Variants in LUZP2 observed in about 807,000 individuals in gnomAD.
The protein encoded by LUZP2 is leucine zipper protein 2.
In LUZP2, 52 loss-of-function variants were observed where a neutral mutation model predicts 51.6. That is an observed-to-expected ratio of 1.01 (90% CI 0.81 to 1.27). The LOEUF is 1.27. LUZP2 is among the 50% of genes most tolerant of loss of function. LUZP2 has a pLI of 0.00. For missense variants in LUZP2, 436 were observed against 395.4 expected, an observed-to-expected ratio of 1.10 and a Z score of -0.87; for synonymous variants, 154 against 137.3, an observed-to-expected ratio of 1.12 and a Z score of -0.85.
At chr11:24,877,853 C>T (rs796176306) in intron 5 of LUZP2, among the ~76,000 whole-genome samples, 14 of 152,124 alleles carry the variant, frequency 9.2e-5, no homozygotes, top group South Asian at 2.1e-4. Flanking sequence ...GATGAGAACA[C>T]GTGATATTTG....
At chr11:25,002,471 A>T (rs1456942857) in intron 9 of LUZP2, among the ~76,000 whole-genome samples, 1 of 152,154 alleles carries the variant, frequency 6.6e-6, no homozygotes. Context: ...AAGGAATAGC[A>T]CCTGGTATCT....
At chr11:24,845,021 G>T (rs1851155877) in intron 5 of LUZP2, among the ~76,000 whole-genome samples, 1 of 152,090 alleles carries the variant, frequency 6.6e-6, no homozygotes, top group African/African-American at 2.4e-5. Flanking sequence ...CCCTATTGCA[G>T]CACCACCTAG....
chr11:24,958,509 A>G (rs1368268529), intron 7 of LUZP2, among the ~76,000 whole-genome samples: 10 of 151,966 alleles, frequency 6.6e-5, no homozygotes, highest in African/African-American at 9.7e-5. Flanking sequence ...GCCAGTGATG[A>G]TGAGCATTTT....
chr11:24,863,826 C>T (rs983643312), intron 5 of LUZP2, among the ~76,000 whole-genome samples: 5 of 152,046 alleles, frequency 3.3e-5, no homozygotes, highest in Non-Finnish European at 7.4e-5. Flanking sequence ...CCTTTTTGCA[C>T]ATAAAAGACT....
In LUZP2 at chr11:24,959,984, C is replaced by G. The variant is rs1855343481; in HGVS notation, c.523-16607C>G. On this transcript the variant is annotated intron_variant, in intron 7 of 11. Transcript: ENST00000336930. ...AAGGTTGTTGAATTTTGTCAAAAGCCTTTTCTGCATCTATTGAGATAATCA... is the reference window on the plus strand; with the variant it reads ...AAGGTTGTTGAATTTTGTCAAAAGCGTTTTCTGCATCTATTGAGATAATCA... Among the ~76,000 whole-genome samples, 4 of 152,080 alleles carry G rather than the reference C, an allele frequency of 2.6e-5. No homozygotes were observed. In the South Asian group the frequency reaches 8.3e-4, roughly 31 times the overall value.
chr11:24,873,255 G>A (rs1852140095), intron 5 of LUZP2, among the ~76,000 whole-genome samples: 1 of 152,154 alleles, frequency 6.6e-6, no homozygotes, highest in African/African-American at 2.4e-5. Context: ...ATGGTATTTA[G>A]TAATTTCAAA....
chr11:24,917,968 C>T (rs566442975), intron 7 of LUZP2, among the ~76,000 whole-genome samples: 259 of 152,150 alleles, frequency 1.7e-3, no homozygotes, highest in African/African-American at 5.9e-3. Flanking sequence ...TACCCATGAG[C>T]ATGGAATGTT....
intron 1 of LUZP2, among the ~76,000 whole-genome samples, chr11:24,704,259 T>A (rs938335219): frequency 6.6e-6 from 1 of 152,170 alleles, no homozygotes; most frequent in Non-Finnish European, 1.5e-5. Context: ...AGAGTTAAAC[T>A]TATATTTATA....
intron 5 of LUZP2, among the ~76,000 whole-genome samples, chr11:24,776,703 C>T (rs1848935878): frequency 6.6e-6 from 1 of 152,118 alleles, no homozygotes; most frequent in Non-Finnish European, 1.5e-5. Flanking sequence ...TGAGGATCTT[C>T]ACTCTTCATC....
chr11:24,797,801 G>A (rs1337573967), intron 5 of LUZP2, among the ~76,000 whole-genome samples: 2 of 152,142 alleles, frequency 1.3e-5, no homozygotes, highest in Non-Finnish European at 2.9e-5. Context: ...TATTGATAAA[G>A]TTCTTTTATA....
At chr11:24,824,270 G>A (rs143650074) in intron 5 of LUZP2, among the ~76,000 whole-genome samples, 1,477 of 147,460 alleles carry the variant, frequency 0.01, 12 homozygotes, top group Middle Eastern at 0.055. Flanking sequence ...GGAGGCTGAG[G>A]CAGGAGAATA....
At chr11:24,804,610 C>T (rs1849799162) in intron 5 of LUZP2, among the ~76,000 whole-genome samples, 1 of 152,134 alleles carries the variant, frequency 6.6e-6, no homozygotes, top group African/African-American at 2.4e-5. Context: ...CTTAGCATCT[C>T]TCTATCTTAG....
At chr11:24,895,484 T>C (rs774050220) in intron 5 of LUZP2, among the ~76,000 whole-genome samples, 4 of 152,168 alleles carry the variant, frequency 2.6e-5, no homozygotes, top group Non-Finnish European at 1.5e-5. Flanking sequence ...GTATCGTACC[T>C]AAGAGTCTTT....
chr11:25,025,333 A>G (rs1020394150), intron 9 of LUZP2, among the ~76,000 whole-genome samples: 2 of 152,204 alleles, frequency 1.3e-5, no homozygotes, highest in Non-Finnish European at 2.9e-5. Flanking sequence ...GCACAGCAAA[A>G]GAAACTACCA....
intron 9 of LUZP2, among the ~76,000 whole-genome samples, chr11:25,001,985 A>G (rs558388879): frequency 1.6e-3 from 246 of 152,180 alleles, no homozygotes; most frequent in African/African-American, 5.7e-3. Context: ...GGGTTTTTGC[A>G]CTGAGTGCAA....
rs527509302 is a variant in LUZP2, at chr11:24,989,243, A to T, written c.765+5950A>T. ...GCCCTGTTGCATCACATGCGGGGGA[A>T]GTCACAGTTTAGCAAATGGGGCTTT... On this transcript the variant is annotated intron_variant, in intron 9 of 11. Transcript: ENST00000336930. 3.2e-4 allele frequency among the ~76,000 whole-genome samples: 49 copies of T among 152,120 alleles called. 2 individuals are homozygous for T. In the South Asian group the frequency reaches 1.0e-2, roughly 31 times the overall value.
At chr11:24,641,042 T>C (rs955690892) in intron 1 of LUZP2, among the ~76,000 whole-genome samples, 4 of 151,300 alleles carry the variant, frequency 2.6e-5, no homozygotes, top group Admixed American at 1.3e-4. Flanking sequence ...GCCTCCCAAG[T>C]AGCTAGGAGT....
intron 1 of LUZP2, among the ~76,000 whole-genome samples, chr11:24,517,439 T>C (rs1248170868): frequency 4.4e-5 from 5 of 112,864 alleles, no homozygotes; most frequent in Non-Finnish European, 8.2e-5. Flanking sequence ...TGAGCCAAGA[T>C]CCCGCCACTG....
intron 1 of LUZP2, among the ~76,000 whole-genome samples, chr11:24,719,838 A>G (rs2631438): frequency 0.15 from 22,168 of 152,164 alleles, 2,072 homozygotes; most frequent in South Asian, 0.25. Context: ...ACCAACTGGT[A>G]GATGATCTGC....
Sources: allele counts gnomAD v4.1 joint callset (sites outside exome capture counted in the v4.1 genomes callset), GRCh38; gene constraint gnomAD v4.1.1; transcripts MANE v1.5; gene names NCBI Gene and HGNC (gene_info 2026-07-23, HGNC 2026-07-21).